The following NFILZ variants were observed in gnomAD, a reference collection of about 807,000 sequenced individuals.
NFILZ encodes the protein NFIL3 like basic leucine zipper, also known as NFIL3 like protein.
chr19:8,672,655 A>G (rs2043093798), intron 3 of NFILZ, among the ~76,000 whole-genome samples: 1 of 152,168 alleles, frequency 6.6e-6, no homozygotes, highest in African/African-American at 2.4e-5. Flanking sequence ...TTATTAGTTC[A>G]TGCCAAAAAT....
At chr19:8,658,182 G>T (rs1555748696) in intron 3 of NFILZ, among the ~76,000 whole-genome samples, 1 of 152,160 alleles carries the variant, frequency 6.6e-6, no homozygotes, top group East Asian at 1.9e-4. Context: ...ATGATCAAGA[G>T]GTAGCAGGAT....
intron 3 of NFILZ, among the ~76,000 whole-genome samples, chr19:8,651,157 T>C (rs923448182): frequency 3.0e-4 from 46 of 152,298 alleles, no homozygotes; most frequent in African/African-American, 1.1e-3. Flanking sequence ...TATTTCAAAA[T>C]ATATAATAAG....
rs1568426680 is a variant in NFILZ at position 8,679,268 on chromosome 19, C to CTATTAT, written c.*1633_*1634insTATTAT. ...CTCAGTTTCTCACTCAGCCCCTCTC[C>CTATTAT]CATTATTATTATTATTATTATTATT... On this transcript the variant is annotated 3_prime_UTR_variant, in exon 6 of 6. Transcript: ENST00000691075. Among the ~76,000 whole-genome samples, 13 of 102,764 alleles carry CTATTAT rather than the reference C, an allele frequency of 1.3e-4. No homozygotes were observed. The highest frequency in any genetic ancestry group is 6.2e-4 in the African/African-American group (13 of 21,082). 67.4% of individuals were successfully genotyped at this position (102,764 alleles called of 152,430 possible). A position where few individuals can be genotyped will look rare whatever the true frequency, so the allele number is the denominator to read the frequency against.
In NFILZ at chr19:8,678,073, C is replaced by T. The variant is rs1568426323; in HGVS notation, c.*438C>T. On this transcript the variant is annotated 3_prime_UTR_variant, in exon 6 of 6. Coordinates refer to ENST00000691075, the MANE Select transcript of NFILZ (RefSeq NM_001378600.1). ...CCATCCACCCATCTATTCATCCATC[C>T]ATCAATCCATCCATCCATTCCATCC... is the stretch of plus-strand genomic sequence containing the variant. 3.1e-4 allele frequency among the ~76,000 whole-genome samples: 2 copies of T among 6,430 alleles called. No homozygotes were observed. Among genetic ancestry groups the T allele is most frequent in the Non-Finnish European group, 9.6e-4 (2 of 2,082 alleles). The allele number at this position is 6,430 out of a possible 152,430, so 4.2% of individuals were successfully genotyped here. A position where few individuals can be genotyped will look rare whatever the true frequency, so the allele number is the denominator to read the frequency against.
At chr19:8,645,161 G>GTCT (rs1555746972) in intron 3 of NFILZ, among the ~76,000 whole-genome samples, 1 of 150,046 alleles carries the variant, frequency 6.7e-6, no homozygotes, top group East Asian at 2.0e-4. Context: ...AAGAGACAGG[G>GTCT]TCTTGTCTGT....
rs964551580 is a variant in NFILZ, at chr19:8,680,705, G to A, written c.*3070G>A. On this transcript the variant is annotated 3_prime_UTR_variant, in exon 6 of 6. Coordinates refer to ENST00000691075, the MANE Select transcript of NFILZ (RefSeq NM_001378600.1). The stretch of plus-strand genomic sequence containing the variant: ...GGAGGCTTGGGAAAGGTAGGTGTGG[G>A]TGCGTTGTAATAATTGAAATAGGGA... 1.3e-5 allele frequency among the ~76,000 whole-genome samples: 2 copies of A among 152,162 alleles called. No individual in the cohort carries two copies. Among genetic ancestry groups the A allele is most frequent in the African/African-American group, 2.4e-5 (1 of 41,434 alleles).
intron 3 of NFILZ, among the ~76,000 whole-genome samples, chr19:8,647,782 C>CACACAT (rs1210510878): frequency 9.9e-5 from 6 of 60,814 alleles, no homozygotes; most frequent in Non-Finnish European, 1.6e-4. Flanking sequence ...CACACATGCG[C>CACACAT]GCGCGCGCGC....
chr19:8,670,222 C>T (rs782502290), intron 3 of NFILZ, among the ~76,000 whole-genome samples: 3 of 152,050 alleles, frequency 2.0e-5, no homozygotes, highest in Admixed American at 6.5e-5. Flanking sequence ...CCACTTCAGC[C>T]TCCTGGGTAG....
chr19:8,639,817 G>A (rs182379953), intron 3 of NFILZ, among the ~76,000 whole-genome samples: 211 of 152,248 alleles, frequency 1.4e-3, no homozygotes, highest in African/African-American at 5.0e-3. Flanking sequence ...CGGTAGGCGT[G>A]TGTGTGTTGG....
At chr19:8,642,294 T>C (rs2042922396) in intron 3 of NFILZ, among the ~76,000 whole-genome samples, 1 of 152,190 alleles carries the variant, frequency 6.6e-6, no homozygotes, top group African/African-American at 2.4e-5. Flanking sequence ...TTTGCAGCAC[T>C]GAAACATGGT....
chr19:8,661,645 A>G (rs2043032337), intron 3 of NFILZ, among the ~76,000 whole-genome samples: 1 of 152,166 alleles, frequency 6.6e-6, no homozygotes, highest in Non-Finnish European at 1.5e-5. Context: ...TAATCCCAAC[A>G]CTTTGGGAGT....
rs1600158052 is a variant in NFILZ, at chr19:8,678,055, C to CCATCCATCCAT, written c.*421_*422insATCCATCCATC. On this transcript the variant is annotated 3_prime_UTR_variant, in exon 6 of 6. Coordinates refer to ENST00000691075, the MANE Select transcript of NFILZ (RefSeq NM_001378600.1). ...ATCCATCCATCCATCCATCCATCCA[C>CCATCCATCCAT]CCATCTATTCATCCATCCATCAATC... is the stretch of plus-strand genomic sequence containing the variant. 0.019 allele frequency among the ~76,000 whole-genome samples: 779 copies of CCATCCATCCAT among 41,970 alleles called. 27 individuals carry two copies. Among genetic ancestry groups the CCATCCATCCAT allele is most frequent in the African/African-American group, 0.068 (712 of 10,404 alleles). 27.5% of individuals were successfully genotyped at this position (41,970 alleles called of 152,430 possible).
chr19:8,648,990 T>A (rs2146145680), intron 3 of NFILZ, among the ~76,000 whole-genome samples: 1 of 152,274 alleles, frequency 6.6e-6, no homozygotes, highest in South Asian at 2.1e-4. Context: ...TGAGACATGA[T>A]CTTGCTTTGT....
At chr19:8,640,253 C>T (rs374539353) in intron 3 of NFILZ, among the ~76,000 whole-genome samples, 2 of 151,456 alleles carry the variant, frequency 1.3e-5, no homozygotes, top group South Asian at 4.2e-4. Context: ...TGCAGGTTGC[C>T]TCTCAAGATA....
chr19:8,653,007 C>CTTTCTTT (rs1568420430), intron 3 of NFILZ, among the ~76,000 whole-genome samples: 16 of 46,630 alleles, frequency 3.4e-4, no homozygotes, highest in Admixed American at 5.0e-4. Flanking sequence ...TTCCTTCCTT[C>CTTTCTTT]CTTCCTTTCT....
At chr19:8,660,918 G>A (rs1404653097) in intron 3 of NFILZ, among the ~76,000 whole-genome samples, 1 of 143,406 alleles carries the variant, frequency 7.0e-6, no homozygotes, top group Non-Finnish European at 1.5e-5. Flanking sequence ...GGGATTACAG[G>A]TGTGAGCCAC....
At position 8,677,957 on chromosome 19, in the gene NFILZ, C is replaced by T. The variant is rs1338139207; in HGVS notation, c.*322C>T. Among the ~76,000 whole-genome samples, 3 of 151,680 alleles carry T rather than the reference C, an allele frequency of 2.0e-5. No individual in the cohort carries two copies. The highest frequency in any genetic ancestry group is 4.4e-5 in the Non-Finnish European group (3 of 67,904). ...AGCCATCCATTCATCCATTCATCCT[C>T]ATTTATTCATCCATTCATTCATTCA... is the stretch of plus-strand genomic sequence containing the variant. On this transcript the variant is annotated 3_prime_UTR_variant, in exon 6 of 6. Coordinates refer to ENST00000691075, the MANE Select transcript of NFILZ (RefSeq NM_001378600.1).
chr19:8,646,312 C>T lies in NFILZ; in HGVS notation c.-164+10566C>T, dbSNP rs112239511. On this transcript the variant is annotated intron_variant, in intron 3 of 5. Coordinates refer to ENST00000691075, the MANE Select transcript of NFILZ (RefSeq NM_001378600.1). ...TCGGCCTCCCAAAGTGCTGGGATTA[C>T]AGGCGTGAGGCACTGCGCCCAGCCT... 7.0e-3 allele frequency among the ~76,000 whole-genome samples: 1,062 copies of T among 152,316 alleles called. 16 individuals are homozygous for T. Among genetic ancestry groups the T allele is most frequent in the African/African-American group, 0.024 (991 of 41,564 alleles).
intron 3 of NFILZ, among the ~76,000 whole-genome samples, chr19:8,656,391 C>CTG (rs1209089558): frequency 9.7e-5 from 13 of 134,712 alleles, no homozygotes; most frequent in South Asian, 4.6e-4. Flanking sequence ...CCACCTTCTC[C>CTG]CGCAGCCCAC....
Sources: allele counts gnomAD v4.1 joint callset (sites outside exome capture counted in the v4.1 genomes callset), GRCh38; gene constraint gnomAD v4.1.1; transcripts MANE v1.5; gene names NCBI Gene and HGNC (gene_info 2026-07-23, HGNC 2026-07-21).